The following KCNH8 variants were observed in gnomAD, a reference collection of about 807,000 sequenced individuals.
KCNH8 encodes the protein potassium voltage-gated channel subfamily H member 8.
A neutral mutation model predicts 103.6 loss-of-function variants in KCNH8; 70 were observed. That is an observed-to-expected ratio of 0.68 (90% confidence interval 0.56 to 0.82). KCNH8 has a LOEUF of 0.82. Among genes scored for constraint, KCNH8 ranks in the 40% least tolerant of loss-of-function variants. The probability of loss-of-function intolerance (pLI) is 0.00; values close to 1 mark genes in which losing one functional copy is unlikely to be tolerated. For missense variants in KCNH8, 1,217 were observed against 1,329.9 expected (o/e 0.92, Z 1.32); for synonymous variants, 498 against 489.4 (o/e 1.02, Z -0.23).
intron 2 of KCNH8, among the ~76,000 whole-genome samples, chr3:19,260,221 T>G (rs1202730776): frequency 2.0e-5 from 3 of 151,444 alleles, no homozygotes; most frequent in Non-Finnish European, 4.4e-5. Flanking sequence ...TGTTTTCCCC[T>G]TAAAATAATC....
At chr3:19,386,563 T>A (rs2066359485) in intron 5 of KCNH8, among the ~76,000 whole-genome samples, 1 of 152,148 alleles carries the variant, frequency 6.6e-6, no homozygotes, top group Non-Finnish European at 1.5e-5. Flanking sequence ...TGTTATGGAT[T>A]TTGAAATTTC....
intron 8 of KCNH8, among the ~76,000 whole-genome samples, chr3:19,440,535 A>G (rs1205487459): frequency 6.6e-6 from 1 of 152,152 alleles, no homozygotes; most frequent in Non-Finnish European, 1.5e-5. Context: ...TTATAAAACC[A>G]TAAGATCTTG....
chr3:19,531,015 C>T (rs1386693547), intron 15 of KCNH8, among the ~76,000 whole-genome samples: 3 of 152,206 alleles, frequency 2.0e-5, no homozygotes, highest in African/African-American at 7.2e-5. Flanking sequence ...TATAAATTTA[C>T]AAACATACAA....
intron 5 of KCNH8, among the ~76,000 whole-genome samples, chr3:19,369,538 A>C (rs2066058934): frequency 6.6e-6 from 1 of 152,032 alleles, no homozygotes; most frequent in South Asian, 2.1e-4. Flanking sequence ...GGTGGCCCCC[A>C]AAACAGTATC....
At chr3:19,243,749 T>C (rs1370402812) in intron 1 of KCNH8, among the ~76,000 whole-genome samples, 2 of 152,140 alleles carry the variant, frequency 1.3e-5, no homozygotes, top group Non-Finnish European at 2.9e-5. Flanking sequence ...AATTAACCAT[T>C]TTTTTCCTCA....
intron 1 of KCNH8, among the ~76,000 whole-genome samples, chr3:19,246,568 C>A (rs763650891): frequency 1.3e-5 from 2 of 151,940 alleles, no homozygotes; most frequent in Non-Finnish European, 2.9e-5. Context: ...AGTCACCACG[C>A]CCAGCCAAGA....
chr3:19,231,781 T>C (rs2063997381), intron 1 of KCNH8, among the ~76,000 whole-genome samples: 1 of 152,200 alleles, frequency 6.6e-6, no homozygotes, highest in Non-Finnish European at 1.5e-5. Flanking sequence ...TAATAAGTGT[T>C]TGGGGTCTGA....
At chr3:19,461,833 C>A (rs1230331657) in intron 11 of KCNH8, among the ~76,000 whole-genome samples, 1 of 152,130 alleles carries the variant, frequency 6.6e-6, no homozygotes, top group African/African-American at 2.4e-5. Context: ...CACCCCACAA[C>A]AGGCCCCAGG....
chr3:19,152,792 C>T (rs1334724565), intron 1 of KCNH8, among the ~76,000 whole-genome samples: 9 of 151,812 alleles, frequency 5.9e-5, no homozygotes, highest in African/African-American at 1.2e-4. Context: ...AAAAATTAGC[C>T]GGGTGTGGCG....
At chr3:19,268,504 C>G (rs545158723) in intron 2 of KCNH8, among the ~76,000 whole-genome samples, 2 of 152,176 alleles carry the variant, frequency 1.3e-5, no homozygotes, top group African/African-American at 2.4e-5. Flanking sequence ...AGTTAGATCA[C>G]TTGGGATTTT....
chr3:19,533,998 G>A lies in KCNH8; in HGVS notation c.3223G>A (p.Glu1075Lys). ...AAACTTACCAGGATCTTGGAACCAG[G>A]AAGGAATGGCATCAGCTTCTACAAA... The part of the protein sequence containing the change: ...LENLPGSWNQ[E>K]GMASASTKPL... Residue 1075 changes from glutamate to lysine, a missense_variant, in exon 16 of 16, where the codon GAA becomes AAA. Around this residue, in one of 3 missense-constraint regions of KCNH8, gnomAD observed 558 missense variants for 495.8 expected, o/e 1.13. Coordinates refer to ENST00000328405, the MANE Select transcript of KCNH8 (RefSeq NM_144633.3). 1 of 1,614,142 alleles carries A rather than the reference G, an allele frequency of 6.2e-7. No homozygotes were observed. Among genetic ancestry groups the A allele is most frequent in the Non-Finnish European group, 8.5e-7 (1 of 1,180,024 alleles).
chr3:19,299,875 GTAT>G (rs1165887723), intron 3 of KCNH8, among the ~76,000 whole-genome samples: 3 of 151,804 alleles, frequency 2.0e-5, no homozygotes, highest in Admixed American at 6.6e-5. Context: ...TAATGTTTTA[GTAT>G]TATTTTAATA....
At chr3:19,498,886 G>A (rs2068509678) in intron 11 of KCNH8, among the ~76,000 whole-genome samples, 1 of 152,142 alleles carries the variant, frequency 6.6e-6, no homozygotes, top group South Asian at 2.1e-4. Context: ...TCCCAGTTAG[G>A]CTGCTTGGGG....
chr3:19,221,203 T>A (rs2063870428), intron 1 of KCNH8, among the ~76,000 whole-genome samples: 1 of 152,232 alleles, frequency 6.6e-6, no homozygotes, highest in Non-Finnish European at 1.5e-5. Context: ...TAGCTGTTGC[T>A]AGTCATCCTG....
chr3:19,248,979 G>C (rs1329327792), intron 1 of KCNH8, among the ~76,000 whole-genome samples: 2 of 152,110 alleles, frequency 1.3e-5, no homozygotes, highest in African/African-American at 4.8e-5. Context: ...GAAATAGTCA[G>C]CTGCCTAGTG....
chr3:19,512,765 T>C (rs929574017), intron 12 of KCNH8, among the ~76,000 whole-genome samples: 5 of 152,026 alleles, frequency 3.3e-5, no homozygotes, highest in African/African-American at 4.8e-5. Flanking sequence ...CAAGAAAGCA[T>C]AGAGAGTAAA....
intron 1 of KCNH8, among the ~76,000 whole-genome samples, chr3:19,199,300 C>A (rs2063633144): frequency 6.6e-6 from 1 of 152,044 alleles, no homozygotes; most frequent in Non-Finnish European, 1.5e-5. Flanking sequence ...AATGTCAGAG[C>A]ATAAACTTTC....
At chr3:19,360,571 A>T (rs1388608077) in intron 5 of KCNH8, among the ~76,000 whole-genome samples, 1 of 152,062 alleles carries the variant, frequency 6.6e-6, no homozygotes, top group Non-Finnish European at 1.5e-5. Context: ...CTTTAAACAA[A>T]AAGTTTGCCA....
chr3:19,348,648 AT>A (rs1480413960), intron 5 of KCNH8, among the ~76,000 whole-genome samples: 1 of 152,000 alleles, frequency 6.6e-6, no homozygotes, highest in Non-Finnish European at 1.5e-5. Flanking sequence ...TCTAGGACAG[AT>A]TCCGGGTCTG....
Sources: allele counts gnomAD v4.1 joint callset (sites outside exome capture counted in the v4.1 genomes callset), GRCh38; gene constraint gnomAD v4.1.1; regional missense constraint gnomAD v4.1.1; transcripts MANE v1.5; gene names NCBI Gene and HGNC (gene_info 2026-07-23, HGNC 2026-07-21).